Variants in BCAS3 observed in about 807,000 individuals in gnomAD.
BCAS3 encodes the protein BCAS3 microtubule associated cell migration factor.
Under a neutral mutation model 116.1 loss-of-function variants are expected in BCAS3, and 53 were observed. That is an observed-to-expected ratio of 0.46 (90% CI 0.37 to 0.57). The LOEUF (loss-of-function observed/expected upper bound fraction) is 0.57, where lower values mean the gene tolerates loss of function less well. Among genes scored for constraint, BCAS3 ranks in the 20% least tolerant of loss-of-function variants. The pLI, the probability that BCAS3 is intolerant of heterozygous loss-of-function variation, is 0.00. For missense variants in BCAS3, 917 were observed against 1,165.4 expected (o/e 0.79, Z 3.10); for synonymous variants, 391 against 408.2 (o/e 0.96, Z 0.51).
rs140747136 is a variant in BCAS3 at position 61,161,473 on chromosome 17, C to A, written c.2425+76909C>A. On this transcript the variant is annotated intron_variant, in intron 22 of 23. Transcript: ENST00000407086. This position sits in a 1 kb window ranked among gnomAD's most constrained non-coding sequence, Gnocchi z 4.8. Reference sequence around the variant, plus strand: ...AGAGCATAGCGTTTTCAAATTTATTCTTTAAAAGACAGAGATAGTGGCACA... The same window carrying A: ...AGAGCATAGCGTTTTCAAATTTATTATTTAAAAGACAGAGATAGTGGCACA... Among the ~76,000 whole-genome samples, 1 of 152,272 alleles carries A rather than the reference C, an allele frequency of 6.6e-6. No individual in the cohort carries two copies. Among genetic ancestry groups the A allele is most frequent in the Non-Finnish European group, 1.5e-5 (1 of 68,014 alleles).
chr17:60,891,764 A>G (rs1488634349), intron 10 of BCAS3: 2 of 455,692 alleles, frequency 4.4e-6, no homozygotes, highest in African/African-American at 4.0e-5. Context: ...GATATTGAAC[A>G]TTGTACCCCA....
intron 14 of BCAS3, among the ~76,000 whole-genome samples, chr17:60,970,988 C>T (rs1311216403): frequency 6.6e-6 from 1 of 152,180 alleles, no homozygotes; most frequent in African/African-American, 2.4e-5. Context: ...ATAGATGATA[C>T]TTAAGTCAGA....
intron 7 of BCAS3, among the ~76,000 whole-genome samples, chr17:60,835,946 C>T (rs1030364631): frequency 2.0e-5 from 3 of 152,040 alleles, no homozygotes; most frequent in African/African-American, 7.2e-5. Flanking sequence ...CTCATTTAGT[C>T]ATTAATTGTT....
intron 14 of BCAS3, among the ~76,000 whole-genome samples, chr17:60,969,296 C>A (rs2061829036): frequency 6.6e-6 from 1 of 152,060 alleles, no homozygotes; most frequent in African/African-American, 2.4e-5. Flanking sequence ...TCTATTATTA[C>A]TATGCTCAGT....
intron 14 of BCAS3, among the ~76,000 whole-genome samples, chr17:60,972,595 T>C (rs1456761819): frequency 6.6e-6 from 1 of 151,836 alleles, no homozygotes; most frequent in Admixed American, 6.6e-5. Context: ...CTACATACAG[T>C]TGCATACCAC....
At chr17:61,371,348 T>C (rs549194413) in intron 23 of BCAS3, among the ~76,000 whole-genome samples, 2 of 152,356 alleles carry the variant, frequency 1.3e-5, no homozygotes, top group South Asian at 4.1e-4. Flanking sequence ...CTCCAGCACC[T>C]GGTTGGTAAG....
intron 7 of BCAS3, among the ~76,000 whole-genome samples, chr17:60,816,421 T>G (rs912118542): frequency 2.0e-5 from 3 of 151,824 alleles, no homozygotes; most frequent in African/African-American, 4.8e-5. Flanking sequence ...ACTACAGGTG[T>G]GCACCACCAC....
rs755186072 is a variant in BCAS3, at chr17:61,151,761, A to G, written c.2425+67197A>G. Among the ~76,000 whole-genome samples the G allele has an allele frequency of 1.3e-5, 2 of 152,156 alleles. No homozygotes were observed. The highest frequency in any genetic ancestry group is 2.9e-5 in the Non-Finnish European group (2 of 68,022). ...GCATGAGCCACTGCACCTGGCCAAC[A>G]TCTATATTTTGAATGACTGTTGTAT... is the stretch of plus-strand genomic sequence containing the variant. On this transcript the variant is annotated intron_variant, in intron 22 of 23. Coordinates refer to ENST00000407086, the MANE Select transcript of BCAS3 (RefSeq NM_017679.5). The surrounding 1 kb of genome is among the most constrained non-coding windows in gnomAD (Gnocchi z 4.8).
intron 5 of BCAS3, among the ~76,000 whole-genome samples, chr17:60,710,533 G>A (rs1193400417): frequency 1.3e-5 from 2 of 150,482 alleles, no homozygotes; most frequent in South Asian, 4.2e-4. Context: ...CCGGGTTAAC[G>A]CCATTCTCCT....
intron 5 of BCAS3, among the ~76,000 whole-genome samples, chr17:60,743,973 A>G (rs1343466328): frequency 6.6e-6 from 1 of 152,198 alleles, no homozygotes; most frequent in African/African-American, 2.4e-5. Context: ...GTGTGAACAA[A>G]TCATTCTTTG....
At position 61,355,727 on chromosome 17, in the gene BCAS3, A is replaced by T. The variant is rs1006690897; in HGVS notation, c.2426-12600A>T. ...GCCTGATGCAAAGTGGACACCCGAC[A>T]AATGTTAGTTATCTTACCTTTCCTG... On this transcript the variant is annotated intron_variant, in intron 22 of 23. Transcript: ENST00000407086. This position sits in a 1 kb window ranked among gnomAD's most constrained non-coding sequence, Gnocchi z 4.2. 2.0e-5 allele frequency among the ~76,000 whole-genome samples: 3 copies of T among 152,226 alleles called. No individual in the cohort carries two copies. Among genetic ancestry groups the T allele is most frequent in the African/African-American group, 7.2e-5 (3 of 41,460 alleles).
chr17:60,755,639 T>A (rs1375459600), intron 6 of BCAS3, among the ~76,000 whole-genome samples: 1 of 152,232 alleles, frequency 6.6e-6, no homozygotes, highest in Non-Finnish European at 1.5e-5. Context: ...TGTAGCTTTT[T>A]ATTAATTTAA....
intron 14 of BCAS3, among the ~76,000 whole-genome samples, chr17:60,954,104 T>A (rs913687761): frequency 1.2e-4 from 19 of 152,168 alleles, no homozygotes; most frequent in Non-Finnish European, 2.9e-5. Context: ...CCGAGAACCA[T>A]TTATTGAATA....
At chr17:60,982,257 A>G (rs2062859051) in intron 14 of BCAS3, among the ~76,000 whole-genome samples, 2 of 152,128 alleles carry the variant, frequency 1.3e-5, no homozygotes, top group Non-Finnish European at 1.5e-5. Flanking sequence ...TCTGCTTGCT[A>G]TTGAATGTCA....
intron 7 of BCAS3, among the ~76,000 whole-genome samples, chr17:60,859,870 A>C (rs1247149645): frequency 1.3e-5 from 2 of 152,112 alleles, no homozygotes; most frequent in African/African-American, 4.8e-5. Context: ...CGCCCGGCCT[A>C]TGTACGACAT....
chr17:60,947,167 C>A, intron 13 of BCAS3, 52 bp from the exon 14 acceptor site: 1 of 1,501,764 alleles, frequency 6.7e-7, no homozygotes, highest in Non-Finnish European at 9.1e-7. Flanking sequence ...TAGAATATTT[C>A]ATCCACATAC....
chr17:61,382,092 C>G (rs1464668991), intron 23 of BCAS3, among the ~76,000 whole-genome samples: 1 of 151,892 alleles, frequency 6.6e-6, no homozygotes, highest in African/African-American at 2.4e-5. Flanking sequence ...CTTTGAGAGG[C>G]TAAGGAGGGT....
intron 22 of BCAS3, among the ~76,000 whole-genome samples, chr17:61,255,013 C>G (rs989105992): frequency 2.0e-5 from 3 of 152,076 alleles, no homozygotes; most frequent in African/African-American, 4.8e-5. Context: ...ATCCTACTTT[C>G]TTTTTCCTGG....
Position 61,038,331 on chromosome 17 carries a change from G to A in BCAS3, c.1928+277G>A, listed in dbSNP as rs189842283. On this transcript the variant is annotated intron_variant, in intron 18 of 23. Coordinates refer to ENST00000407086, the MANE Select transcript of BCAS3 (RefSeq NM_017679.5). ...CTCACTCTGTCACCCAGGCTGGAGT[G>A]CAGTGGCGCGATCTCAGCTCAAGCG... Among the ~76,000 whole-genome samples the A allele has an allele frequency of 2.7e-5, 4 of 147,656 alleles. No individual in the cohort carries two copies. In the Admixed American group the frequency reaches 2.7e-4, roughly 10 times the overall value.
Sources: gnomAD v4.1 joint callset for allele counts (sites outside exome capture counted in the v4.1 genomes callset) on GRCh38, gnomAD v4.1.1 for gene constraint, Gnocchi (gnomAD v3.1) non-coding constraint, MANE v1.5 for transcripts, NCBI Gene and HGNC (gene_info 2026-07-23, HGNC 2026-07-21) for gene names.